The following NEK1 variants were observed in gnomAD, a reference collection of about 807,000 sequenced individuals.
NEK1 encodes serine/threonine-protein kinase Nek1.
A neutral mutation model predicts 182.1 loss-of-function variants in NEK1; 137 were observed. The ratio of observed to expected loss-of-function variants is 0.75; its 90% confidence interval spans 0.65 to 0.87. The LOEUF (loss-of-function observed/expected upper bound fraction) is 0.87, where lower values mean the gene tolerates loss of function less well. Ranked by LOEUF, NEK1 falls within the 40% of genes least tolerant of loss-of-function variation. The pLI is 0.00. For synonymous variants in NEK1, 513 were observed against 492.2 expected (o/e 1.04, Z -0.56); for missense variants, 1,391 against 1,494.4 (o/e 0.93, Z 1.14).
intron 18 of NEK1, among the ~76,000 whole-genome samples, chr4:169,550,470 T>C (rs1761259478): frequency 6.6e-6 from 1 of 152,216 alleles, no homozygotes; most frequent in Non-Finnish European, 1.5e-5. Context: ...CAACTCCTGG[T>C]TGCACTAATA....
chr4:169,610,134 T>A (rs1772072132), intron 2 of NEK1, among the ~76,000 whole-genome samples: 1 of 151,876 alleles, frequency 6.6e-6, no homozygotes, highest in African/African-American at 2.4e-5. Flanking sequence ...CCCAAGTAGC[T>A]GGGATTACAG....
rs374318441 is a variant in NEK1, at chr4:169,612,278, G to C, written c.-229C>G. On this transcript the variant is annotated 5_prime_UTR_variant, in exon 1 of 36. Coordinates refer to ENST00000507142, the MANE Select transcript of NEK1 (RefSeq NM_001199397.3). ...TTGACTCCGTCCTGTCTCGGGCGACGCCCGTAAGACAGGTCGACACTACCC... is the reference window on the plus strand; with the variant it reads ...TTGACTCCGTCCTGTCTCGGGCGACCCCCGTAAGACAGGTCGACACTACCC... 2 of 152,236 alleles carry C rather than the reference G, an allele frequency of 1.3e-5. No homozygotes were observed. The highest frequency in any genetic ancestry group is 4.8e-5 in the African/African-American group (2 of 41,462). The allele number at this position is 152,236 out of a possible 1,614,324, so 9.4% of individuals were successfully genotyped here. A position where few individuals can be genotyped will look rare whatever the true frequency, so the allele number is the denominator to read the frequency against.
chr4:169,609,448 A>G (rs959826801), intron 2 of NEK1, among the ~76,000 whole-genome samples: 2 of 152,244 alleles, frequency 1.3e-5, no homozygotes, highest in Non-Finnish European at 2.9e-5. Flanking sequence ...AATCATTCAC[A>G]TACAGTCAAC....
chr4:169,545,495 A>G (rs565520979), intron 18 of NEK1, among the ~76,000 whole-genome samples: 12,106 of 148,340 alleles, frequency 0.082, 611 homozygotes, highest in African/African-American at 0.15. Flanking sequence ...ATTGTGAATA[A>G]TGCCGCAATA....
chr4:169,545,809 G>A (rs920732867), intron 18 of NEK1, among the ~76,000 whole-genome samples: 10 of 152,060 alleles, frequency 6.6e-5, no homozygotes, highest in African/African-American at 2.4e-4. Context: ...CAGTGATGAT[G>A]AGCATTTTTT....
In NEK1 at chr4:169,612,262, T is replaced by C. The variant is rs1245478074; in HGVS notation, c.-213A>G. On this transcript the variant is annotated 5_prime_UTR_variant, in exon 1 of 36. Transcript: ENST00000507142. ...AGTTGATACCACGGGTTTGACTCCGTCCTGTCTCGGGCGACGCCCGTAAGA... is the reference window on the plus strand; with the variant it reads ...AGTTGATACCACGGGTTTGACTCCGCCCTGTCTCGGGCGACGCCCGTAAGA... The C allele has an allele frequency of 6.6e-6, 1 of 152,256 alleles. No individual in the cohort carries two copies. The highest frequency in any genetic ancestry group is 2.4e-5 in the African/African-American group (1 of 41,442). The allele number at this position is 152,256 out of a possible 1,614,324, so 9.4% of individuals were successfully genotyped here.
At chr4:169,548,969 G>C (rs1342826886) in intron 18 of NEK1, among the ~76,000 whole-genome samples, 3 of 152,188 alleles carry the variant, frequency 2.0e-5, no homozygotes, top group Non-Finnish European at 2.9e-5. Flanking sequence ...CCTTTCTAGG[G>C]GAGTGAACAG....
chr4:169,536,739 G>A (rs1758573317), intron 19 of NEK1, among the ~76,000 whole-genome samples: 1 of 152,128 alleles, frequency 6.6e-6, no homozygotes, highest in Non-Finnish European at 1.5e-5. Flanking sequence ...ATTTCAGTAA[G>A]CCTACCAATT....
At chr4:169,462,144 C>CA (rs956871364) in intron 27 of NEK1, among the ~76,000 whole-genome samples, 3 of 145,862 alleles carry the variant, frequency 2.1e-5, no homozygotes, top group East Asian at 3.9e-4. Context: ...TTTTAGACTA[C>CA]AAAAAAAATC....
At chr4:169,596,854 G>A (rs1201020943) in intron 5 of NEK1, among the ~76,000 whole-genome samples, 1 of 151,944 alleles carries the variant, frequency 6.6e-6, no homozygotes, top group Non-Finnish European at 1.5e-5. Flanking sequence ...TATTCAGAAG[G>A]GTAGAAAAAA....
intron 24 of NEK1, among the ~76,000 whole-genome samples, chr4:169,478,560 C>T (rs935444331): frequency 6.6e-6 from 1 of 151,970 alleles, no homozygotes; most frequent in African/African-American, 2.4e-5. Flanking sequence ...TGAGAATGAT[C>T]AAGAAACTTA....
chr4:169,549,430 GT>G (rs903186350), intron 18 of NEK1, among the ~76,000 whole-genome samples: 2 of 152,128 alleles, frequency 1.3e-5, no homozygotes, highest in African/African-American at 4.8e-5. Context: ...CCCATCTTTT[GT>G]TTTTGTTTGA....
chr4:169,421,641 T>G (rs1579466643), intron 31 of NEK1, among the ~76,000 whole-genome samples: 1 of 152,172 alleles, frequency 6.6e-6, no homozygotes. Context: ...CCATGTAAGA[T>G]ATGCCTTGCT....
At chr4:169,414,830 T>A (rs1209187039) in intron 31 of NEK1, among the ~76,000 whole-genome samples, 1 of 152,214 alleles carries the variant, frequency 6.6e-6, no homozygotes, top group African/African-American at 2.4e-5. Flanking sequence ...AAACTGATCA[T>A]TAATCAATGG....
intron 27 of NEK1, among the ~76,000 whole-genome samples, chr4:169,442,583 C>A (rs995333713): frequency 6.6e-6 from 1 of 152,128 alleles, no homozygotes; most frequent in Non-Finnish European, 1.5e-5. Context: ...AATTCTCCAA[C>A]AAGATTCCAA....
intron 5 of NEK1, among the ~76,000 whole-genome samples, chr4:169,596,964 G>A (rs937079570): frequency 6.6e-6 from 1 of 151,776 alleles, no homozygotes; most frequent in Non-Finnish European, 1.5e-5. Flanking sequence ...TAATTTCCAG[G>A]AAGACAAGAT....
At chr4:169,562,880 T>C (rs1211868494) in intron 12 of NEK1, among the ~76,000 whole-genome samples, 1 of 152,194 alleles carries the variant, frequency 6.6e-6, no homozygotes, top group East Asian at 1.9e-4. Context: ...ACTTTGGGGT[T>C]GTTAATGGAC....
Position 169,479,486 on chromosome 4 carries a change from G to C in NEK1, c.2056C>G (p.Gln686Glu). The C allele has an allele frequency of 6.2e-7, 1 of 1,611,114 alleles. No homozygotes were observed. Among genetic ancestry groups the C allele is most frequent in the Non-Finnish European group, 8.5e-7 (1 of 1,178,674 alleles). Reference protein sequence around the residue: ...KSSDVSPPLGQHETGGSPSKQ... With the variant: ...KSSDVSPPLGEHETGGSPSKQ... ...GATGGAGAGCCACCTGTTTCATGCT[G>C]TCCCAAAGGTGGAGAAACATCAGAA... Residue 686 changes from glutamine to glutamate, a missense_variant, in exon 24 of 36, where the codon CAG becomes GAG. Gln to Glu is a conservative substitution (Grantham distance 29). Transcript: ENST00000507142.
chr4:169,572,159 C>CT (rs1247357409), intron 12 of NEK1, among the ~76,000 whole-genome samples: 1 of 152,028 alleles, frequency 6.6e-6, no homozygotes, highest in East Asian at 1.9e-4. Context: ...TGAGAACAGA[C>CT]TAAGAGGGTA....
Sources: gnomAD v4.1 joint callset for allele counts (sites outside exome capture counted in the v4.1 genomes callset) on GRCh38, gnomAD v4.1.1 for gene constraint, MANE v1.5 for transcripts, NCBI Gene and HGNC (gene_info 2026-07-23, HGNC 2026-07-21) for gene names.